NRXN1: variants seen among roughly 807,000 people sequenced by gnomAD.
NRXN1 encodes neurexin-1.
A neutral mutation model predicts 150.9 loss-of-function variants in NRXN1; 39 were observed. The ratio of observed to expected loss-of-function variants is 0.26; its 90% CI spans 0.20 to 0.34. The LOEUF is 0.34. Among genes scored for constraint, NRXN1 ranks in the 10% least tolerant of loss-of-function variants. NRXN1 has a pLI of 1.00. For synonymous variants in NRXN1, 924 were observed against 757.0 expected (o/e 1.22, Z -3.62); for missense variants, 1,815 against 1,949.9 (o/e 0.93, Z 1.30).
intron 2 of NRXN1, among the ~76,000 whole-genome samples, chr2:50,950,535 T>A (rs1691146799): frequency 6.6e-6 from 1 of 152,174 alleles, no homozygotes; most frequent in African/African-American, 2.4e-5. Flanking sequence ...GTTTCTCACC[T>A]TTGTTGCTAT....
chr2:50,446,874 T>A (rs1013501415), intron 17 of NRXN1, among the ~76,000 whole-genome samples: 7 of 152,116 alleles, frequency 4.6e-5, no homozygotes, highest in African/African-American at 1.7e-4. Context: ...GTTAAGTACT[T>A]ATTCAATGGC....
chr2:50,414,883 A>C (rs2083432199), intron 17 of NRXN1, among the ~76,000 whole-genome samples: 1 of 152,188 alleles, frequency 6.6e-6, no homozygotes, highest in South Asian at 2.1e-4. Flanking sequence ...TGTTGAACTT[A>C]AGAAAATTTC....
chr2:50,325,812 T>G (rs2076349514), intron 17 of NRXN1, among the ~76,000 whole-genome samples: 1 of 152,246 alleles, frequency 6.6e-6, no homozygotes. Flanking sequence ...TATATGTTTG[T>G]AACCCTTTAT....
chr2:50,454,693 C>T (rs1156729890), intron 17 of NRXN1, among the ~76,000 whole-genome samples: 1 of 150,108 alleles, frequency 6.7e-6, no homozygotes. Context: ...CACACACACA[C>T]ACACACACAC....
chr2:50,831,876 T>C (rs767786049), intron 5 of NRXN1, among the ~76,000 whole-genome samples: 3 of 152,218 alleles, frequency 2.0e-5, no homozygotes, highest in Non-Finnish European at 2.9e-5. Flanking sequence ...TGTGTCTGTT[T>C]TGTGCACAGA....
intron 5 of NRXN1, among the ~76,000 whole-genome samples, chr2:50,684,561 A>T (rs1690940714): frequency 6.6e-6 from 1 of 152,116 alleles, no homozygotes; most frequent in Admixed American, 6.6e-5. Flanking sequence ...GAATGAAGAA[A>T]TATGTAATAA....
At position 49,978,717 on chromosome 2, in the gene NRXN1, A is replaced by C. The variant is rs1679449950; in HGVS notation, c.4129-34926T>G. On this transcript the variant is annotated intron_variant, in intron 21 of 22. Transcript: ENST00000401669. ...CATAAAAAGAAAAGAGAGGCCACAA[A>C]AAAAAAAAAAAAAAGATGACCACAA... is the stretch of plus-strand genomic sequence containing the variant. Among the ~76,000 whole-genome samples the C allele has an allele frequency of 3.4e-5, 5 of 147,678 alleles. No individual in the cohort carries two copies. The South Asian group carries it at 8.8e-4, about 26-fold the overall frequency.
intron 2 of NRXN1, among the ~76,000 whole-genome samples, chr2:51,004,767 C>T (rs375817986): frequency 6.6e-6 from 1 of 152,066 alleles, no homozygotes; most frequent in East Asian, 1.9e-4. Context: ...GAGGGGAATG[C>T]CCAGTACTGG....
intron 5 of NRXN1, among the ~76,000 whole-genome samples, chr2:50,665,859 T>C (rs1485783754): frequency 6.6e-6 from 1 of 151,964 alleles, no homozygotes; most frequent in Non-Finnish European, 1.5e-5. Context: ...TAATTAAGTG[T>C]GTGTACCTCC....
chr2:50,218,152 T>C (rs181922099), intron 18 of NRXN1, among the ~76,000 whole-genome samples: 33 of 152,222 alleles, frequency 2.2e-4, no homozygotes, highest in African/African-American at 7.9e-4. Flanking sequence ...CATCATTTTA[T>C]TAAAATTATT....
chr2:50,457,959 T>C (rs1280954361), intron 17 of NRXN1, among the ~76,000 whole-genome samples: 1 of 152,262 alleles, frequency 6.6e-6, no homozygotes, highest in Middle Eastern at 3.4e-3. Context: ...AACTACCGTA[T>C]GATCCAGCAA....
intron 21 of NRXN1, among the ~76,000 whole-genome samples, chr2:50,010,048 C>T (rs542418252): frequency 1.5e-4 from 23 of 152,050 alleles, no homozygotes; most frequent in African/African-American, 5.3e-4. Flanking sequence ...GACGATACAA[C>T]TACATCACAC....
At chr2:50,568,966 A>G (rs1670257205) in intron 8 of NRXN1, among the ~76,000 whole-genome samples, 1 of 152,192 alleles carries the variant, frequency 6.6e-6, no homozygotes. Flanking sequence ...TATCCATAAA[A>G]AAGAATGGGA....
chr2:50,979,260 G>A (rs1383761490), intron 2 of NRXN1: 2 of 517,910 alleles, frequency 3.9e-6, no homozygotes, highest in Non-Finnish European at 7.7e-6. Flanking sequence ...ATAAACAGAT[G>A]CAATATTTAC....
intron 17 of NRXN1, among the ~76,000 whole-genome samples, chr2:50,305,689 G>C (rs188458973): frequency 2.0e-5 from 3 of 152,244 alleles, no homozygotes; most frequent in Non-Finnish European, 4.4e-5. Context: ...TTATGAGAAA[G>C]TCTATTTGTG....
chr2:50,680,614 T>A (rs181315142), intron 5 of NRXN1, among the ~76,000 whole-genome samples: 129 of 152,264 alleles, frequency 8.5e-4, no homozygotes, highest in African/African-American at 3.0e-3. Flanking sequence ...ATTGATAACC[T>A]TTATAATGTA....
chr2:50,694,065 T>A (rs1692453836), intron 5 of NRXN1, among the ~76,000 whole-genome samples: 1 of 152,140 alleles, frequency 6.6e-6, no homozygotes, highest in Non-Finnish European at 1.5e-5. Context: ...AGCACTGGGA[T>A]TATAAGTGTG....
chr2:50,256,201 A>C (rs2067683068), intron 17 of NRXN1, among the ~76,000 whole-genome samples: 1 of 152,196 alleles, frequency 6.6e-6, no homozygotes, highest in Non-Finnish European at 1.5e-5. Flanking sequence ...TGCAAGAATT[A>C]AAACATAACA....
In NRXN1 at chr2:50,113,591, C is replaced by T. The variant is rs529594204; in HGVS notation, c.3547-22097G>A. Among the ~76,000 whole-genome samples the T allele has an allele frequency of 8.5e-5, 13 of 152,280 alleles. No individual in the cohort carries two copies. In the South Asian group the frequency reaches 1.5e-3, roughly 17 times the overall value. On this transcript the variant is annotated intron_variant, in intron 18 of 22. Coordinates refer to ENST00000401669, the MANE Select transcript of NRXN1 (RefSeq NM_001330078.2). Reference sequence around the variant, plus strand: ...ATCTGTTCCATAATCTAATGACCAACGCTATTTATACAGTTGATCTATCTA... The same window carrying T: ...ATCTGTTCCATAATCTAATGACCAATGCTATTTATACAGTTGATCTATCTA...
Sources: gnomAD v4.1 joint callset for allele counts (sites outside exome capture counted in the v4.1 genomes callset) on GRCh38, gnomAD v4.1.1 for gene constraint, MANE v1.5 for transcripts, NCBI Gene and HGNC (gene_info 2026-07-23, HGNC 2026-07-21) for gene names.